The following MKLN1 variants were observed in gnomAD, a reference collection of about 807,000 sequenced individuals.
MKLN1 encodes muskelin 1.
Under a neutral mutation model 99.0 loss-of-function variants are expected in MKLN1, and 18 were observed. The ratio of observed to expected loss-of-function variants is 0.18; its 90% CI spans 0.13 to 0.27. The LOEUF is 0.27. Among genes scored for constraint, MKLN1 ranks in the 10% least tolerant of loss-of-function variants. The pLI, the probability that MKLN1 is intolerant of heterozygous loss-of-function variation, is 1.00. For missense variants in MKLN1, 621 were observed against 875.9 expected (o/e 0.71, Z 3.67); for synonymous variants, 288 against 293.2 (o/e 0.98, Z 0.18).
At chr7:131,372,230 A>G (rs1239400223) in intron 1 of MKLN1, among the ~76,000 whole-genome samples, 1 of 152,002 alleles carries the variant, frequency 6.6e-6, no homozygotes, top group African/African-American at 2.4e-5. Flanking sequence ...TATCAGTGTG[A>G]TTTTTAAAAA....
chr7:131,187,468 C>A (rs540776456), intron 2 of MKLN1, among the ~76,000 whole-genome samples: 2 of 152,090 alleles, frequency 1.3e-5, no homozygotes, highest in Non-Finnish European at 2.9e-5. Context: ...TCTGATCCAC[C>A]GCCTGTTTCT....
rs1411172482 is a variant in MKLN1 at position 131,492,050 on chromosome 7, G to A, written c.*4322G>A. ...AAATGTACTTGAGTCATTTTCATTT[G>A]GGGATAGTAATAATGGCTGTGGCAG... On this transcript the variant is annotated 3_prime_UTR_variant, in exon 18 of 18. Transcript: ENST00000352689. The A allele has an allele frequency of 6.6e-6, 1 of 152,108 alleles. No individual in the cohort carries two copies. The highest frequency in any genetic ancestry group is 1.5e-5 in the Non-Finnish European group (1 of 68,006). 9.4% of individuals were successfully genotyped at this position (152,108 alleles called of 1,614,324 possible). A position where few individuals can be genotyped will look rare whatever the true frequency, so the allele number is the denominator to read the frequency against.
At chr7:131,434,018 A>G (rs1270816356) in intron 9 of MKLN1, among the ~76,000 whole-genome samples, 1 of 151,356 alleles carries the variant, frequency 6.6e-6, no homozygotes, top group Non-Finnish European at 1.5e-5. Flanking sequence ...CGAGTAGCTG[A>G]GACTACACCG....
chr7:131,345,028 A>T (rs1799515147), intron 1 of MKLN1, among the ~76,000 whole-genome samples: 1 of 151,902 alleles, frequency 6.6e-6, no homozygotes, highest in Admixed American at 6.6e-5. Flanking sequence ...CTGGTCTCGA[A>T]CTCCTGACCT....
chr7:131,466,362 A>C lies in MKLN1; in HGVS notation c.1875A>C (p.Arg625Ser). ...LDDFWSLKLC[R>S]PSKDYLLRHC... ...ACTTCTGGTCACTGAAGTTGTGTAGACCTTCAAAAGATTATTTACTGAGGC... is the reference window on the plus strand; with the variant it reads ...ACTTCTGGTCACTGAAGTTGTGTAGCCCTTCAAAAGATTATTTACTGAGGC... The change falls in exon 15 of 18, where the codon AGA becomes AGC. Residue 625 changes from arginine to serine, a missense_variant. By Grantham distance (110) the Arg-to-Ser change is moderately radical. Coordinates refer to ENST00000352689, the MANE Select transcript of MKLN1 (RefSeq NM_013255.5). 6.2e-7 allele frequency: 1 copy of C among 1,605,276 alleles called. No homozygotes were observed. The highest frequency in any genetic ancestry group is 8.5e-7 in the Non-Finnish European group (1 of 1,174,154).
chr7:131,365,559 C>T (rs1455657375), intron 1 of MKLN1, among the ~76,000 whole-genome samples: 11 of 152,006 alleles, frequency 7.2e-5, no homozygotes, highest in Non-Finnish European at 1.5e-4. Context: ...TATCTTCCAG[C>T]GTTTTTATAG....
In MKLN1 at chr7:131,336,567, C is replaced by G. The variant is rs187342858; in HGVS notation, c.98+8570C>G. Among the ~76,000 whole-genome samples, 353 of 152,026 alleles carry G rather than the reference C, an allele frequency of 2.3e-3. 3 individuals are homozygous for G. Among genetic ancestry groups the G allele is most frequent in the African/African-American group, 8.0e-3 (333 of 41,470 alleles). Reference sequence around the variant, plus strand: ...TTTAAAAATATTATTTTATTCCTCCCTTTGTTAGCTTGTTAGTTATATATT... The same window carrying G: ...TTTAAAAATATTATTTTATTCCTCCGTTTGTTAGCTTGTTAGTTATATATT... On this transcript the variant is annotated intron_variant, in intron 1 of 17. Transcript: ENST00000352689.
intron 3 of MKLN1, among the ~76,000 whole-genome samples, chr7:131,273,664 A>G (rs561680849): frequency 6.9e-6 from 1 of 144,094 alleles, no homozygotes; most frequent in South Asian, 2.2e-4. Context: ...TCACTCTGTC[A>G]CCCAGGCTGG....
intron 12 of MKLN1, among the ~76,000 whole-genome samples, chr7:131,462,016 C>T (rs570794633): frequency 1.3e-5 from 2 of 152,040 alleles, no homozygotes; most frequent in South Asian, 4.2e-4. Flanking sequence ...GCATATTATA[C>T]CCCAGAATTT....
intron 3 of MKLN1, among the ~76,000 whole-genome samples, chr7:131,226,395 A>G (rs924526074): frequency 2.6e-5 from 4 of 152,218 alleles, no homozygotes; most frequent in Non-Finnish European, 5.9e-5. Flanking sequence ...GAACTGAGAA[A>G]CGCCATTAGG....
intron 1 of MKLN1, among the ~76,000 whole-genome samples, chr7:131,122,848 C>T (rs1795393618): frequency 6.6e-6 from 1 of 151,690 alleles, no homozygotes; most frequent in East Asian, 1.9e-4. Context: ...GGTGAAACCC[C>T]ATCTCTACTA....
chr7:131,330,950 T>C (rs759141075), intron 1 of MKLN1, among the ~76,000 whole-genome samples: 19 of 152,182 alleles, frequency 1.2e-4, no homozygotes, highest in Non-Finnish European at 1.9e-4. Flanking sequence ...TTACTTTTTT[T>C]CTGAAATTTA....
At chr7:131,150,563 A>C (rs1389469735) in intron 2 of MKLN1, among the ~76,000 whole-genome samples, 1 of 152,092 alleles carries the variant, frequency 6.6e-6, no homozygotes, top group Non-Finnish European at 1.5e-5. Context: ...TTGGGATTGC[A>C]TATGAAAATA....
At chr7:131,419,260 T>A (rs997852221) in intron 8 of MKLN1, among the ~76,000 whole-genome samples, 16 of 143,458 alleles carry the variant, frequency 1.1e-4, no homozygotes, top group African/African-American at 3.8e-4. Flanking sequence ...TTGTTTTTTT[T>A]TTTTTTTTGA....
At chr7:131,328,465 A>G (rs986768429) in intron 1 of MKLN1, among the ~76,000 whole-genome samples, 2 of 152,202 alleles carry the variant, frequency 1.3e-5, no homozygotes, top group African/African-American at 4.8e-5. Flanking sequence ...TGTCTATTCC[A>G]GAGTGGGGTC....
At chr7:131,399,213 T>C in intron 5 of MKLN1, 28 bp from the exon 6 acceptor site, 1 of 1,597,392 alleles carries the variant, frequency 6.3e-7, no homozygotes, top group Non-Finnish European at 8.6e-7. Flanking sequence ...AAATCTCTTC[T>C]TTCCATACTT....
intron 3 of MKLN1, among the ~76,000 whole-genome samples, chr7:131,238,493 T>C (rs1797357260): frequency 6.6e-6 from 1 of 152,164 alleles, no homozygotes; most frequent in Non-Finnish European, 1.5e-5. Context: ...TGAGATCACT[T>C]ATTTGCAGAG....
At chr7:131,412,035 C>G (rs116383554) in intron 7 of MKLN1, among the ~76,000 whole-genome samples, 1 of 151,456 alleles carries the variant, frequency 6.6e-6, no homozygotes, top group Non-Finnish European at 1.5e-5. Flanking sequence ...TGCAGTCAGC[C>G]GTGTTCATAC....
chr7:131,282,272 C>T (rs1045463711), intron 3 of MKLN1, among the ~76,000 whole-genome samples: 3 of 151,040 alleles, frequency 2.0e-5, no homozygotes, highest in Admixed American at 1.3e-4. Context: ...TCGCTTGAAC[C>T]CGGGAGGCGG....
Sources: allele counts gnomAD v4.1 joint callset (sites outside exome capture counted in the v4.1 genomes callset), GRCh38; gene constraint gnomAD v4.1.1; transcripts MANE v1.5; gene names NCBI Gene and HGNC (gene_info 2026-07-23, HGNC 2026-07-21).